LIN52: variants seen among roughly 807,000 people sequenced by gnomAD.
The protein encoded by LIN52 is protein lin-52 homolog.
LIN52 carries 4 observed loss-of-function variants against 18.5 expected under a neutral mutation model. The ratio of observed to expected loss-of-function variants is 0.22; its 90% CI spans 0.11 to 0.49. LIN52 has a LOEUF of 0.49. Among genes scored for constraint, LIN52 ranks in the 20% least tolerant of loss-of-function variants. LIN52 has a pLI of 0.97. For missense variants in LIN52, 102 were observed against 139.5 expected, an observed-to-expected ratio of 0.73 and a Z score of 1.35; for synonymous variants, 34 against 45.5, an observed-to-expected ratio of 0.75 and a Z score of 1.02.
At chr14:74,095,856 A>G in intron 2 of LIN52, 92 bp from the exon 3 acceptor site, 2 of 778,612 alleles carry the variant, frequency 2.6e-6, no homozygotes, top group Non-Finnish European at 4.1e-6. Flanking sequence ...AAACTATAAG[A>G]AAACAGACAA....
At chr14:74,164,082 C>T (rs1353001773) in intron 5 of LIN52, among the ~76,000 whole-genome samples, 1 of 151,030 alleles carries the variant, frequency 6.6e-6, no homozygotes, top group East Asian at 2.0e-4. Context: ...CCCGGGTTCA[C>T]GCCATTCTCC....
intron 5 of LIN52, among the ~76,000 whole-genome samples, chr14:74,145,026 TGA>T (rs929837470): frequency 2.0e-5 from 3 of 152,220 alleles, no homozygotes; most frequent in African/African-American, 7.2e-5. Context: ...AACAGTATTC[TGA>T]GAGGGAACCT....
At chr14:74,099,644 C>A (rs1033739303) in intron 4 of LIN52, among the ~76,000 whole-genome samples, 2 of 151,310 alleles carry the variant, frequency 1.3e-5, no homozygotes, top group African/African-American at 4.9e-5. Flanking sequence ...TTTTTTATTA[C>A]TCAGTCTCCC....
At chr14:74,154,224 G>GT in intron 5 of LIN52, among the ~76,000 whole-genome samples, 1 of 151,468 alleles carries the variant, frequency 6.6e-6, no homozygotes, top group South Asian at 2.1e-4. Context: ...GACTTTCCTT[G>GT]TTTTTTGATA....
chr14:74,117,645 G>A (rs969199877), intron 5 of LIN52, among the ~76,000 whole-genome samples: 41 of 152,032 alleles, frequency 2.7e-4, no homozygotes, highest in African/African-American at 9.7e-4. Flanking sequence ...GCTTTCGTTT[G>A]TTTTTTAGTT....
chr14:74,153,316 T>G (rs1188874496), intron 5 of LIN52, among the ~76,000 whole-genome samples: 1 of 152,218 alleles, frequency 6.6e-6, no homozygotes, highest in East Asian at 1.9e-4. Context: ...TAGTTTTTTC[T>G]TTGTGTGTGT....
At chr14:74,100,265 A>T (rs1176419072) in intron 4 of LIN52, among the ~76,000 whole-genome samples, 2 of 152,190 alleles carry the variant, frequency 1.3e-5, no homozygotes, top group African/African-American at 4.8e-5. Flanking sequence ...TGTTATAAAT[A>T]ATGTTTCCTG....
chr14:74,145,389 A>T (rs1343495038), intron 5 of LIN52, among the ~76,000 whole-genome samples: 8 of 152,206 alleles, frequency 5.3e-5, no homozygotes, highest in Non-Finnish European at 1.0e-4. Context: ...TGCCTGTGAA[A>T]ATAATCTTAA....
chr14:74,130,527 C>T (rs956965099), intron 5 of LIN52, among the ~76,000 whole-genome samples: 3 of 151,058 alleles, frequency 2.0e-5, no homozygotes, highest in African/African-American at 4.9e-5. Context: ...ATCTGCCCGC[C>T]TTGGCCTCCC....
rs966129889 is a variant in LIN52, at chr14:74,132,862, T to A, written c.283+31624T>A. ...CTGTGTTGAAACTCTTAGCATTTCC[T>A]TAGAACTATTTTTATTCCAAGGAGA... On this transcript the variant is annotated intron_variant, in intron 5 of 5. Transcript: ENST00000555028. Among the ~76,000 whole-genome samples the A allele has an allele frequency of 3.3e-5, 5 of 152,302 alleles. No individual in the cohort carries two copies. The East Asian group carries it at 9.6e-4, about 29-fold the overall frequency.
intron 5 of LIN52, chr14:74,174,519 G>T (rs1455598862): frequency 1.3e-5 from 2 of 152,272 alleles, no homozygotes; most frequent in African/African-American, 2.4e-5. Context: ...GGGGAGGATT[G>T]GTTGAGCCCA....
chr14:74,135,763 G>A (rs1011460307), intron 5 of LIN52, among the ~76,000 whole-genome samples: 1 of 152,016 alleles, frequency 6.6e-6, no homozygotes, highest in Non-Finnish European at 1.5e-5. Flanking sequence ...GAGCAAGAGG[G>A]ATAATCTCTT....
intron 5 of LIN52, among the ~76,000 whole-genome samples, chr14:74,130,972 T>A (rs1022815735): frequency 2.0e-5 from 3 of 151,864 alleles, no homozygotes; most frequent in Admixed American, 6.6e-5. Flanking sequence ...TTTATTTATT[T>A]ATTGAGATAG....
chr14:74,195,748 A>G (rs907672012), intron 5 of LIN52, among the ~76,000 whole-genome samples: 1 of 152,224 alleles, frequency 6.6e-6, no homozygotes, highest in African/African-American at 2.4e-5. Context: ...TGGCATCACT[A>G]AACAATTTCA....
In LIN52 at chr14:74,199,900, A is replaced by C. The variant is rs2078936602; in HGVS notation, c.*923A>C. On this transcript the variant is annotated 3_prime_UTR_variant, in exon 6 of 6. Coordinates refer to ENST00000555028, the MANE Select transcript of LIN52 (RefSeq NM_001024674.3). ...TGTCCCCTCTGACAGCACATATGAA[A>C]TAGTTCATCTATATAATAGAAACGC... The C allele has an allele frequency of 2.0e-5, 3 of 152,224 alleles. No homozygotes were observed. Among genetic ancestry groups the C allele is most frequent in the African/African-American group, 7.2e-5 (3 of 41,454 alleles). The allele number at this position is 152,224 out of a possible 1,614,324, so 9.4% of individuals were successfully genotyped here.
At chr14:74,179,925 T>A (rs2061310889) in intron 5 of LIN52, among the ~76,000 whole-genome samples, 1 of 152,220 alleles carries the variant, frequency 6.6e-6, no homozygotes, top group Non-Finnish European at 1.5e-5. Flanking sequence ...TAGAATCACC[T>A]GTAGGGCTGG....
In LIN52 at chr14:74,170,334, A is replaced by G. The variant is rs557823145; in HGVS notation, c.284-28588A>G. Among the ~76,000 whole-genome samples the G allele has an allele frequency of 3.3e-5, 5 of 152,342 alleles. No homozygotes were observed. In the South Asian group the frequency reaches 1.0e-3, roughly 32 times the overall value. On this transcript the variant is annotated intron_variant, in intron 5 of 5. Transcript: ENST00000555028. Reference sequence around the variant, plus strand: ...CAGATCTAGAAGTGATTTTTGTCTAAATTCCACAAAGACTGACTTTTTTTG... The same window carrying G: ...CAGATCTAGAAGTGATTTTTGTCTAGATTCCACAAAGACTGACTTTTTTTG...
At chr14:74,118,687 T>A (rs566061413) in intron 5 of LIN52, among the ~76,000 whole-genome samples, 1 of 152,282 alleles carries the variant, frequency 6.6e-6, no homozygotes, top group Admixed American at 6.5e-5. Context: ...GGTGGGAGGA[T>A]CACCTGAACC....
chr14:74,130,954 A>ATTAT (rs138444518), intron 5 of LIN52, among the ~76,000 whole-genome samples: 15,065 of 150,876 alleles, frequency 0.1, 814 homozygotes, highest in South Asian at 0.17. Flanking sequence ...TAAAATTTTT[A>ATTAT]TTATTTATTT....
Sources: gnomAD v4.1 joint callset for allele counts (sites outside exome capture counted in the v4.1 genomes callset) on GRCh38, gnomAD v4.1.1 for gene constraint, MANE v1.5 for transcripts, NCBI Gene and HGNC (gene_info 2026-07-23, HGNC 2026-07-21) for gene names.